The following LEF1 variants were observed in gnomAD, a reference collection of about 807,000 sequenced individuals.
The protein encoded by LEF1 is lymphoid enhancer-binding factor 1.
Under a neutral mutation model 51.2 loss-of-function variants are expected in LEF1, and 14 were observed. The ratio of observed to expected loss-of-function variants is 0.27; its 90% CI spans 0.18 to 0.43. The LOEUF (loss-of-function observed/expected upper bound fraction) is 0.43, where lower values mean the gene tolerates loss of function less well. LEF1 is among the 20% of genes least tolerant of loss of function. LEF1 has a pLI of 1.00. For synonymous variants in LEF1, 185 were observed against 183.2 expected (o/e 1.01, Z -0.08); for missense variants, 386 against 512.0 (o/e 0.75, Z 2.37).
chr4:108,163,156 T>C (rs1387786395), intron 3 of LEF1, among the ~76,000 whole-genome samples: 4 of 152,180 alleles, frequency 2.6e-5, no homozygotes, highest in Non-Finnish European at 5.9e-5. Flanking sequence ...ATAACAAACA[T>C]TCAGCTCCAA....
At chr4:108,060,328 C>T (rs556410421) in intron 11 of LEF1, among the ~76,000 whole-genome samples, 4 of 152,244 alleles carry the variant, frequency 2.6e-5, no homozygotes, top group South Asian at 4.2e-4. Flanking sequence ...TATAATAACA[C>T]TGGGAGGCAG....
intron 3 of LEF1, among the ~76,000 whole-genome samples, chr4:108,141,260 T>A (rs1165121679): frequency 6.6e-6 from 1 of 152,196 alleles, no homozygotes; most frequent in African/African-American, 2.4e-5. Context: ...GTTTTGAGGG[T>A]CTGTTCCCTG....
At chr4:108,052,757 T>C (rs1225041319) in intron 11 of LEF1, among the ~76,000 whole-genome samples, 4 of 152,154 alleles carry the variant, frequency 2.6e-5, no homozygotes, top group African/African-American at 4.8e-5. Flanking sequence ...CCTCCTGGCA[T>C]CATAAAAGTG....
chr4:108,049,886 A>T (rs1736867830), intron 11 of LEF1, among the ~76,000 whole-genome samples: 1 of 152,236 alleles, frequency 6.6e-6, no homozygotes, highest in African/African-American at 2.4e-5. Flanking sequence ...AAGGATGGTG[A>T]TCTATGGAAT....
chr4:108,062,555 G>A (rs891257084), intron 11 of LEF1, among the ~76,000 whole-genome samples: 14 of 152,156 alleles, frequency 9.2e-5, no homozygotes, highest in African/African-American at 1.2e-4. Context: ...ACTCAGTGGC[G>A]GGTGCTTTAT....
At chr4:108,121,186 A>C (rs2110333601) in intron 3 of LEF1, among the ~76,000 whole-genome samples, 1 of 152,338 alleles carries the variant, frequency 6.6e-6, no homozygotes, top group South Asian at 2.1e-4. Flanking sequence ...TTTTTAACTG[A>C]GAGTCCATGG....
In LEF1 at chr4:108,145,612, T is replaced by C. The variant is rs940203968; in HGVS notation, c.414+17956A>G. Among the ~76,000 whole-genome samples, 3 of 152,320 alleles carry C rather than the reference T, an allele frequency of 2.0e-5. No individual in the cohort carries two copies. The East Asian group carries it at 5.8e-4, about 29-fold the overall frequency. On this transcript the variant is annotated intron_variant, in intron 3 of 11. Coordinates refer to ENST00000265165, the MANE Select transcript of LEF1 (RefSeq NM_016269.5). The stretch of plus-strand genomic sequence containing the variant: ...TTTCCTCACTGTACTGATCTAACCT[T>C]CTGGAAGCAAGATGGAGCCATGGAA...
At chr4:108,146,027 C>A (rs1166845948) in intron 3 of LEF1, among the ~76,000 whole-genome samples, 1 of 152,124 alleles carries the variant, frequency 6.6e-6, no homozygotes, top group East Asian at 1.9e-4. Flanking sequence ...AAAAATGAAA[C>A]TATTTTAAAA....
intron 3 of LEF1, among the ~76,000 whole-genome samples, chr4:108,134,523 A>C (rs1353889799): frequency 6.6e-6 from 1 of 152,250 alleles, no homozygotes; most frequent in African/African-American, 2.4e-5. Flanking sequence ...CCATCCTAGA[A>C]AAGAGGAGAC....
chr4:108,157,339 C>T (rs1471973341), intron 3 of LEF1, among the ~76,000 whole-genome samples: 1 of 152,004 alleles, frequency 6.6e-6, no homozygotes, highest in African/African-American at 2.4e-5. Flanking sequence ...TAGCTTGGCA[C>T]CTGCCACCAA....
intron 3 of LEF1, among the ~76,000 whole-genome samples, chr4:108,100,267 G>GA (rs1740736960): frequency 6.6e-6 from 1 of 152,094 alleles, no homozygotes; most frequent in African/African-American, 2.4e-5. Flanking sequence ...CAAGCCAGAA[G>GA]AGAACATTTT....
intron 11 of LEF1, among the ~76,000 whole-genome samples, chr4:108,059,747 G>C (rs1737546897): frequency 6.6e-6 from 1 of 152,126 alleles, no homozygotes; most frequent in Admixed American, 6.5e-5. Context: ...CTGTTGCTCA[G>C]GCTGTAGTGC....
chr4:108,079,398 C>T lies in LEF1; in HGVS notation c.845+94G>A, dbSNP rs185989280. 349 of 1,407,576 alleles carry T rather than the reference C, an allele frequency of 2.5e-4. 2 individuals are homozygous for T. The African/African-American group carries it at 4.4e-3, about 18-fold the overall frequency. 87.2% of individuals were successfully genotyped at this position (1,407,576 alleles called of 1,614,324 possible). A position where few individuals can be genotyped will look rare whatever the true frequency, so the allele number is the denominator to read the frequency against. On this transcript the variant is annotated intron_variant, in intron 7 of 11. Coordinates refer to ENST00000265165, the MANE Select transcript of LEF1 (RefSeq NM_016269.5). ...AGGTGCATTGAGTTTCACAGCAACA[C>T]AAAGGGGTGAAGGATCACTGTTGCA...
At chr4:108,066,150 CT>C (rs1450014046) in intron 9 of LEF1, among the ~76,000 whole-genome samples, 5 of 152,160 alleles carry the variant, frequency 3.3e-5, no homozygotes, top group African/African-American at 4.8e-5. Context: ...TAATCCGCCC[CT>C]ATAAGTGGGG....
At chr4:108,071,120 TCA>T (rs1738451366) in intron 8 of LEF1, among the ~76,000 whole-genome samples, 2 of 152,250 alleles carry the variant, frequency 1.3e-5, no homozygotes, top group African/African-American at 4.8e-5. Context: ...TCACTGTTTT[TCA>T]CAGTTACTAG....
chr4:108,149,650 T>C (rs1323818474), intron 3 of LEF1, among the ~76,000 whole-genome samples: 3 of 150,196 alleles, frequency 2.0e-5, no homozygotes, highest in Non-Finnish European at 4.4e-5. Flanking sequence ...TATATGTACA[T>C]GTGTATATAT....
chr4:108,114,571 A>T (rs761757573), intron 3 of LEF1, among the ~76,000 whole-genome samples: 6 of 152,206 alleles, frequency 3.9e-5, no homozygotes, highest in Non-Finnish European at 7.3e-5. Context: ...GTGATGTGAA[A>T]ACAAGAGTGT....
Position 108,111,079 on chromosome 4 carries a change from T to C in LEF1, c.415-21822A>G, listed in dbSNP as rs1741503773. 1.3e-5 allele frequency among the ~76,000 whole-genome samples: 2 copies of C among 152,164 alleles called. 1 individual carries two copies. Among genetic ancestry groups the C allele is most frequent in the South Asian group, 4.1e-4 (2 of 4,820 alleles). On this transcript the variant is annotated intron_variant, in intron 3 of 11. Transcript: ENST00000265165. The stretch of plus-strand genomic sequence containing the variant: ...GCAAAATATAGTGCTAATCAATAAC[T>C]ACCCCCAATATTTCCATAGGATACA...
At chr4:108,073,186 G>T (rs1039075832) in intron 8 of LEF1, among the ~76,000 whole-genome samples, 3 of 152,170 alleles carry the variant, frequency 2.0e-5, no homozygotes, top group Non-Finnish European at 2.9e-5. Flanking sequence ...AGTGGTTCAG[G>T]ACCAGCCTGG....
Sources: gnomAD v4.1 joint callset for allele counts (sites outside exome capture counted in the v4.1 genomes callset) on GRCh38, gnomAD v4.1.1 for gene constraint, MANE v1.5 for transcripts, NCBI Gene and HGNC (gene_info 2026-07-23, HGNC 2026-07-21) for gene names.